Variants in DPYSL4 observed in about 807,000 individuals in gnomAD.
The protein encoded by DPYSL4 is dihydropyrimidinase-related protein 4.
Under a neutral mutation model 63.4 loss-of-function variants are expected in DPYSL4, and 43 were observed. That is an observed-to-expected ratio of 0.68 (90% CI 0.53 to 0.88). The LOEUF is 0.88. Ranked by LOEUF, DPYSL4 falls within the 40% of genes least tolerant of loss-of-function variation. The probability of loss-of-function intolerance (pLI) is 0.00; values close to 1 mark genes in which losing one functional copy is unlikely to be tolerated. For missense variants in DPYSL4, 733 were observed against 819.5 expected (o/e 0.89, Z 1.29); for synonymous variants, 353 against 331.7 (o/e 1.06, Z -0.70).
At chr10:132,204,094 A>G (rs1449000284) in intron 13 of DPYSL4, among the ~76,000 whole-genome samples, 167 bp downstream of exon 13, 1 of 151,838 alleles carries the variant, frequency 6.6e-6, no homozygotes, top group African/African-American at 2.4e-5. Flanking sequence ...CCAAGGGCTG[A>G]GCCCAGTTAG....
chr10:132,194,997 G>C lies in DPYSL4; in HGVS notation c.466G>C (p.Val156Leu). 6.2e-7 allele frequency: 1 copy of C among 1,604,280 alleles called. No homozygotes were observed. Among genetic ancestry groups the C allele is most frequent in the Non-Finnish European group, 8.5e-7 (1 of 1,179,566 alleles). Residue 156 changes from valine (V) to leucine (L), a missense_variant, in exon 4 of 14, where the codon GTC (valine) becomes CTC (leucine). Val to Leu is a conservative substitution (Grantham distance 32, BLOSUM62 1). Transcript: ENST00000338492. ...CATCAAGGAGGAGCTGGAGGCCCTG[G>C]TCAAGGAGAAGGGTGAGGGTGGCTG... ...ESIKEELEALVKEKGVNSFLV... is the reference protein window; with the variant it reads ...ESIKEELEALLKEKGVNSFLV...
intron 4 of DPYSL4, 47 bp downstream of exon 4, chr10:132,195,056 A>T (rs747716585): frequency 2.5e-6 from 4 of 1,573,026 alleles, no homozygotes; most frequent in Non-Finnish European, 2.6e-6. Flanking sequence ...AGCCTGGTGG[A>T]GGAGCCTCTG....
Position 132,187,029 on chromosome 10 carries a change from T to A in DPYSL4, c.-35T>A. ...CGCCCGCCCGCCCGCCCGCCCCCGC[T>A]TGTGCCGCCCCTACCAGAGACCCCC... On this transcript the variant is annotated 5_prime_UTR_variant, in exon 1 of 14. It adds an upstream start codon to the 5' untranslated region. Coordinates refer to ENST00000338492, the MANE Select transcript of DPYSL4 (RefSeq NM_006426.3). The A allele has an allele frequency of 1.3e-5, 2 of 149,292 alleles. No homozygotes were observed. The highest frequency in any genetic ancestry group is 2.0e-5 in the Non-Finnish European group (2 of 99,876). The allele number at this position is 149,292 out of a possible 1,614,324, so 9.2% of individuals were successfully genotyped here.
intron 13 of DPYSL4, 141 bp from the exon 14 acceptor site, chr10:132,204,698 G>A (rs2137528311): frequency 3.2e-6 from 2 of 624,404 alleles, no homozygotes; most frequent in Non-Finnish European, 5.2e-6. Context: ...TGGTCTGCTT[G>A]GCCTTCTGGT....
chr10:132,192,616 AC>A (rs1193303098), intron 2 of DPYSL4, 41 bp from the exon 3 acceptor site: 7 of 1,555,050 alleles, frequency 4.5e-6, no homozygotes, highest in Non-Finnish European at 6.1e-6. Flanking sequence ...CTGGGCTCTG[AC>A]CTGGGCTCCC....
In DPYSL4 at chr10:132,202,818, G is replaced by C. The variant is rs371966633; in HGVS notation, c.1454G>C (p.Arg485Pro). 6.3e-7 allele frequency: 1 copy of C among 1,596,996 alleles called. No homozygotes were observed. The highest frequency in any genetic ancestry group is 8.5e-7 in the Non-Finnish European group (1 of 1,171,062). The change falls in exon 12 of 14, where the codon CGC (arginine) becomes CCC (proline). Residue 485 changes from arginine to proline, a missense_variant. Coordinates refer to ENST00000338492, the MANE Select transcript of DPYSL4 (RefSeq NM_006426.3). ...TTTGTCTACAAGAGGATCAAAGCTC[G>C]CAACAGGGTAGGGCGGCACCCGCAA... ...PDFVYKRIKARNRLAEIHGVP... is the reference protein window; with the variant it reads ...PDFVYKRIKAPNRLAEIHGVP...
intron 9 of DPYSL4, 58 bp downstream of exon 9, chr10:132,200,570 CT>C: frequency 6.3e-7 from 1 of 1,591,290 alleles, no homozygotes; most frequent in Non-Finnish European, 8.6e-7. Context: ...CCTGCCAAGG[CT>C]GTGGCCCCGA....
rs1293669431 is a variant in DPYSL4 at position 132,202,078 on chromosome 10, A to C, written c.1243A>C (p.Lys415Gln). The C allele has an allele frequency of 6.2e-7, 1 of 1,612,976 alleles. No individual in the cohort carries two copies. Residue 415 changes from lysine (K) to glutamine (Q), a missense_variant, in exon 11 of 14, where the codon AAG becomes CAG. Coordinates refer to ENST00000338492, the MANE Select transcript of DPYSL4 (RefSeq NM_006426.3). ...CGCTGACCTGGTCATATGGAACCCCAAGGCCACCAAGATCATCTCTGCCAA... is the reference window on the plus strand; with the variant it reads ...CGCTGACCTGGTCATATGGAACCCCCAGGCCACCAAGATCATCTCTGCCAA... ...SDADLVIWNP[K>Q]ATKIISAKTH...
At chr10:132,201,316 C>T (rs1252225175) in intron 10 of DPYSL4, among the ~76,000 whole-genome samples, 1 of 152,136 alleles carries the variant, frequency 6.6e-6, no homozygotes, top group Non-Finnish European at 1.5e-5. Context: ...CACGACCCGT[C>T]GCACACCGCC....
intron 1 of DPYSL4, among the ~76,000 whole-genome samples, chr10:132,188,444 T>C (rs1348884694): frequency 1.3e-5 from 2 of 151,024 alleles, no homozygotes; most frequent in Non-Finnish European, 3.0e-5. Context: ...CTGGGAGGGG[T>C]GGAAAGTGAA....
chr10:132,190,786 G>T lies in DPYSL4; in HGVS notation c.79G>T (p.Asp27Tyr). The change falls in exon 2 of 14, where the codon GAC (aspartate) becomes TAC (tyrosine). Residue 27 changes from aspartate to tyrosine, a missense_variant. Coordinates refer to ENST00000338492, the MANE Select transcript of DPYSL4 (RefSeq NM_006426.3). ...GATCAGAGGTGGGAGGATCGTGAATGACGACCAGTCCTTTTACGCTGATGT... is the reference window on the plus strand; with the variant it reads ...GATCAGAGGTGGGAGGATCGTGAATTACGACCAGTCCTTTTACGCTGATGT... ...LLIRGGRIVN[D>Y]DQSFYADVHV... 1.2e-6 allele frequency: 2 copies of T among 1,613,822 alleles called. No individual in the cohort carries two copies. The highest frequency in any genetic ancestry group is 2.2e-5 in the South Asian group (2 of 91,066).
At chr10:132,190,704 T>C in intron 1 of DPYSL4, 43 bp from the exon 2 acceptor site, 2 of 1,576,206 alleles carry the variant, frequency 1.3e-6, no homozygotes, top group Non-Finnish European at 1.7e-6. Context: ...TGTTACTGAG[T>C]AACTCAGTTT....
At position 132,200,929 on chromosome 10, in the gene DPYSL4, C is replaced by T. The variant is rs371394701; in HGVS notation, c.1056C>T (p.Pro352=). The T allele has an allele frequency of 1.8e-5, 29 of 1,613,170 alleles. No individual in the cohort carries two copies. Among genetic ancestry groups the T allele is most frequent in the East Asian group, 8.9e-5 (4 of 44,894 alleles). Residue 352 remains proline, a synonymous_variant, in exon 10 of 14, where the codon CCC becomes CCT. Coordinates refer to ENST00000338492, the MANE Select transcript of DPYSL4 (RefSeq NM_006426.3). ...AVGKDNFALI[P]EGTNGIEERM... ...GCAAGGACAACTTCGCGCTGATCCC[C>T]GAGGGCACCAACGGCATTGAGGAGC...
chr10:132,200,457 C>A lies in DPYSL4; in HGVS notation c.913C>A (p.Pro305Thr). The A allele has an allele frequency of 6.2e-7, 1 of 1,613,416 alleles. No homozygotes were observed. Among genetic ancestry groups the A allele is most frequent in the Non-Finnish European group, 8.5e-7 (1 of 1,179,860 alleles). ...CAAGGCCGCAGCCTTCGTCACATCA[C>A]CCCCTGTCAACCCAGACCCCACCAC... Reference protein sequence around the residue: ...WAKAAAFVTSPPVNPDPTTAD... With the variant: ...WAKAAAFVTSTPVNPDPTTAD... The change falls in exon 9 of 14, where the codon CCC (proline) becomes ACC (threonine). Residue 305 changes from proline (P) to threonine (T), a missense_variant. Physicochemically the swap from Pro to Thr is conservative, Grantham distance 38. Transcript: ENST00000338492.
chr10:132,201,815 C>A, intron 10 of DPYSL4, 131 bp from the exon 11 acceptor site: 1 of 989,774 alleles, frequency 1.0e-6, no homozygotes, highest in Non-Finnish European at 1.4e-6. Flanking sequence ...GGTGGTCCAG[C>A]GTCTGTCCTC....
intron 3 of DPYSL4, among the ~76,000 whole-genome samples, chr10:132,193,321 C>T (rs1336364079): frequency 6.6e-6 from 1 of 152,222 alleles, no homozygotes; most frequent in Admixed American, 6.5e-5. Flanking sequence ...ATTATTATCC[C>T]ATCAAAAAAT....
At chr10:132,202,564 C>T (rs1243233609) in intron 11 of DPYSL4, 82 bp from the exon 12 acceptor site, 20 of 1,555,214 alleles carry the variant, frequency 1.3e-5, no homozygotes, top group Non-Finnish European at 1.7e-5. Flanking sequence ...GCTGGGCGGC[C>T]ACAGTGCTCC....
At chr10:132,203,671 C>T in intron 12 of DPYSL4, 91 bp from the exon 13 acceptor site, 10 of 1,263,366 alleles carry the variant, frequency 7.9e-6, no homozygotes, top group Non-Finnish European at 7.7e-6. Flanking sequence ...CTCCAGCTGC[C>T]CATGCTCAGC....
At chr10:132,195,478 G>C (rs1463323854) in intron 4 of DPYSL4, among the ~76,000 whole-genome samples, 1 of 152,150 alleles carries the variant, frequency 6.6e-6, no homozygotes, top group East Asian at 1.9e-4. Context: ...TTGACAAGTG[G>C]CATATCTGAT....
Sources: allele counts gnomAD v4.1 joint callset (sites outside exome capture counted in the v4.1 genomes callset), GRCh38; gene constraint gnomAD v4.1.1; transcripts MANE v1.5; gene names NCBI Gene and HGNC (gene_info 2026-07-23, HGNC 2026-07-21).